The following SGCZ variants were observed in gnomAD, a reference collection of about 807,000 sequenced individuals.
SGCZ encodes the protein sarcoglycan zeta.
In SGCZ, 40 loss-of-function variants were observed where a neutral mutation model predicts 41.3. The ratio of observed to expected loss-of-function variants is 0.97; its 90% CI spans 0.75 to 1.26. The LOEUF is 1.26. Ranked by LOEUF, SGCZ falls within the 50% of genes most tolerant of loss-of-function variation. The pLI is 0.00. For synonymous variants in SGCZ, 206 were observed against 137.5 expected (o/e 1.50, Z -3.49); for missense variants, 552 against 369.8 (o/e 1.49, Z -4.04).
intron 1 of SGCZ, among the ~76,000 whole-genome samples, chr8:15,098,069 C>T (rs1366826352): frequency 6.6e-6 from 1 of 151,572 alleles, no homozygotes; most frequent in African/African-American, 2.4e-5. Context: ...ACTTGGAAAC[C>T]TGTCTATAGC....
At chr8:15,123,988 G>A (rs558333320) in intron 1 of SGCZ, among the ~76,000 whole-genome samples, 26 of 152,196 alleles carry the variant, frequency 1.7e-4, no homozygotes, top group Non-Finnish European at 3.2e-4. Context: ...ACAGGTAGGC[G>A]GGGCAGATTG....
rs573409260 is a variant in SGCZ, at chr8:15,187,493, G to A, written c.39+50092C>T. Among the ~76,000 whole-genome samples, 8 of 151,968 alleles carry A rather than the reference G, an allele frequency of 5.3e-5. 1 individual carries two copies. Among genetic ancestry groups the A allele is most frequent in the Non-Finnish European group, 1.0e-4 (7 of 67,886 alleles). Reference sequence around the variant, plus strand: ...GAAATTAAATTTGATGTGATTTTAGGATATCTCATTTTTAGTAAAGTTTAT... The same window carrying A: ...GAAATTAAATTTGATGTGATTTTAGAATATCTCATTTTTAGTAAAGTTTAT... On this transcript the variant is annotated intron_variant, in intron 1 of 7. Coordinates refer to ENST00000382080, the MANE Select transcript of SGCZ (RefSeq NM_139167.4).
chr8:15,169,084 C>G (rs1799752030), intron 1 of SGCZ, among the ~76,000 whole-genome samples: 1 of 152,200 alleles, frequency 6.6e-6, no homozygotes, highest in African/African-American at 2.4e-5. Context: ...AAACTCTAGT[C>G]ATGCAACCAT....
chr8:14,451,560 C>T (rs1320234945), intron 2 of SGCZ, among the ~76,000 whole-genome samples: 1 of 152,136 alleles, frequency 6.6e-6, no homozygotes. Flanking sequence ...ATACAAGCCA[C>T]AAACTGGGAG....
At chr8:14,637,391 G>T (rs977607870) in intron 1 of SGCZ, among the ~76,000 whole-genome samples, 9 of 151,370 alleles carry the variant, frequency 5.9e-5, no homozygotes, top group Admixed American at 2.0e-4. Context: ...GCGTGATGCT[G>T]CGGTTTGGAG....
At chr8:14,543,969 G>T (rs191142834) in intron 2 of SGCZ, among the ~76,000 whole-genome samples, 36 of 152,176 alleles carry the variant, frequency 2.4e-4, no homozygotes, top group Admixed American at 1.8e-3. Context: ...TGTGAGAATG[G>T]AGTGGTTACC....
chr8:14,873,164 T>A (rs187050103), intron 1 of SGCZ, among the ~76,000 whole-genome samples: 3 of 152,198 alleles, frequency 2.0e-5, no homozygotes, highest in South Asian at 2.1e-4. Context: ...AACATAGTTA[T>A]CAGACAGAAT....
chr8:14,793,575 G>C (rs896114862), intron 1 of SGCZ, among the ~76,000 whole-genome samples: 1 of 152,188 alleles, frequency 6.6e-6, no homozygotes, highest in Non-Finnish European at 1.5e-5. Flanking sequence ...TGGCAGTAGG[G>C]AAAGCTGAGG....
chr8:15,083,918 C>A (rs1178412855), intron 1 of SGCZ, among the ~76,000 whole-genome samples: 1 of 152,074 alleles, frequency 6.6e-6, no homozygotes, highest in South Asian at 2.1e-4. Context: ...TAAATTCTTC[C>A]CCATGTTTCA....
At chr8:14,472,702 A>G (rs976125791) in intron 2 of SGCZ, among the ~76,000 whole-genome samples, 4 of 152,152 alleles carry the variant, frequency 2.6e-5, no homozygotes, top group Non-Finnish European at 2.9e-5. Flanking sequence ...GAGAAGGAAT[A>G]TATCAGTATT....
intron 2 of SGCZ, among the ~76,000 whole-genome samples, chr8:14,465,459 C>A (rs1159333925): frequency 2.6e-5 from 4 of 151,582 alleles, no homozygotes. Flanking sequence ...AGGGAGTCTC[C>A]TGTACAGTTG....
intron 1 of SGCZ, among the ~76,000 whole-genome samples, chr8:14,727,831 G>A (rs949126835): frequency 6.6e-6 from 1 of 151,956 alleles, no homozygotes; most frequent in African/African-American, 2.4e-5. Context: ...CTTCATAATC[G>A]TCAAAAACTG....
chr8:14,259,307 T>G (rs1215408402), intron 3 of SGCZ, among the ~76,000 whole-genome samples: 1 of 152,096 alleles, frequency 6.6e-6, no homozygotes, highest in Non-Finnish European at 1.5e-5. Flanking sequence ...AGAAGCTCTT[T>G]AGTTTAATTA....
chr8:14,602,472 C>A (rs1404101276), intron 1 of SGCZ, among the ~76,000 whole-genome samples: 1 of 151,556 alleles, frequency 6.6e-6, no homozygotes, highest in South Asian at 2.1e-4. Context: ...ATTGCTTGAA[C>A]CCAGGAGTTC....
At chr8:14,552,345 G>C (rs1233409503) in intron 2 of SGCZ, among the ~76,000 whole-genome samples, 3 of 152,006 alleles carry the variant, frequency 2.0e-5, no homozygotes, top group Non-Finnish European at 4.4e-5. Context: ...GAGCTAGAGA[G>C]TGTGTTACCT....
chr8:14,854,919 C>A (rs1481808503), intron 1 of SGCZ, among the ~76,000 whole-genome samples: 1 of 151,414 alleles, frequency 6.6e-6, no homozygotes, highest in African/African-American at 2.4e-5. Context: ...TCCACAGGGG[C>A]CTGAACAATC....
intron 1 of SGCZ, among the ~76,000 whole-genome samples, chr8:14,778,469 G>C (rs1294943530): frequency 6.6e-6 from 1 of 151,968 alleles, no homozygotes; most frequent in Non-Finnish European, 1.5e-5. Context: ...AGACTCTACT[G>C]TCCCCAAAAG....
chr8:15,176,923 C>T (rs1041962846), intron 1 of SGCZ, among the ~76,000 whole-genome samples: 1 of 152,120 alleles, frequency 6.6e-6, no homozygotes, highest in Admixed American at 6.6e-5. Context: ...ATGGCGTGAA[C>T]CCAGGAGGCA....
intron 1 of SGCZ, among the ~76,000 whole-genome samples, chr8:14,627,913 A>T (rs2117388828): frequency 6.6e-6 from 1 of 152,222 alleles, no homozygotes; most frequent in East Asian, 1.9e-4. Flanking sequence ...ACTAATATAA[A>T]TTAATTCCTT....
Sources: gnomAD v4.1 joint callset for allele counts (sites outside exome capture counted in the v4.1 genomes callset) on GRCh38, gnomAD v4.1.1 for gene constraint, MANE v1.5 for transcripts, NCBI Gene and HGNC (gene_info 2026-07-23, HGNC 2026-07-21) for gene names.